AVL9: variants seen among roughly 807,000 people sequenced by gnomAD.
AVL9 encodes late secretory pathway protein AVL9 homolog.
AVL9 carries 49 observed loss-of-function variants against 79.2 expected under a neutral mutation model. The observed-to-expected ratio is 0.62, with a 90% CI of 0.49 to 0.79. The LOEUF is 0.79. Ranked by LOEUF, AVL9 falls within the 30% of genes least tolerant of loss-of-function variation. The pLI is 0.00. For synonymous variants in AVL9, 299 were observed against 280.6 expected, an observed-to-expected ratio of 1.07 and a Z score of -0.65; for missense variants, 682 against 776.8, an observed-to-expected ratio of 0.88 and a Z score of 1.45.
Position 32,583,965 on chromosome 7 carries a change from C to T in AVL9, c.*58C>T, listed in dbSNP as rs751980013. On this transcript the variant is annotated 3_prime_UTR_variant, in exon 16 of 16. Transcript: ENST00000318709. ...GGTTTAAGTGTCCCCTGTCTGTCTG[C>T]TGCTCCCAGGCTGTTACTAGCCACA... 53 of 1,262,350 alleles carry T rather than the reference C, an allele frequency of 4.2e-5. No homozygotes were observed. Among genetic ancestry groups the T allele is most frequent in the Non-Finnish European group, 5.9e-5 (51 of 863,964 alleles). The allele number at this position is 1,262,350 out of a possible 1,614,324, so 78.2% of individuals were successfully genotyped here.
At chr7:32,511,423 G>A (rs949763273) in intron 1 of AVL9, among the ~76,000 whole-genome samples, 3 of 152,028 alleles carry the variant, frequency 2.0e-5, no homozygotes, top group African/African-American at 7.2e-5. Flanking sequence ...AGGTCTGGTT[G>A]TGGGAGTCCA....
intron 1 of AVL9, among the ~76,000 whole-genome samples, chr7:32,513,719 CA>C (rs1222875883): frequency 6.6e-6 from 1 of 152,178 alleles, no homozygotes; most frequent in Non-Finnish European, 1.5e-5. Flanking sequence ...AAAGTGGGCC[CA>C]GGGGACCAGC....
intron 1 of AVL9, among the ~76,000 whole-genome samples, chr7:32,497,711 A>G (rs1786914752): frequency 6.8e-6 from 1 of 147,622 alleles, no homozygotes; most frequent in Non-Finnish European, 1.5e-5. Context: ...GCTGGAGTGC[A>G]GTGGAGCTCG....
At chr7:32,525,694 A>G (rs1442350203) in intron 1 of AVL9, among the ~76,000 whole-genome samples, 1 of 152,142 alleles carries the variant, frequency 6.6e-6, no homozygotes, top group African/African-American at 2.4e-5. Flanking sequence ...TGGTGCCCTA[A>G]TGGAATAGGT....
At chr7:32,572,996 T>C (rs549827189) in intron 11 of AVL9, among the ~76,000 whole-genome samples, 1 of 152,214 alleles carries the variant, frequency 6.6e-6, no homozygotes, top group East Asian at 1.9e-4. Context: ...TATGTGTGTA[T>C]TTTCTAAAAA....
chr7:32,580,282 T>G lies in AVL9; in HGVS notation c.1742+10T>G, dbSNP rs1691399149. ...AGTTAAGGTTCTCACAGTAAGTACT[T>G]AGAGAAAATACTGGGAAAATTCTTA... is the stretch of plus-strand genomic sequence containing the variant. On this transcript the variant is annotated intron_variant, in intron 14 of 15. Transcript: ENST00000318709. The G allele has an allele frequency of 1.2e-6, 2 of 1,600,216 alleles. No individual in the cohort carries two copies. The highest frequency in any genetic ancestry group is 1.7e-6 in the Non-Finnish European group (2 of 1,170,856).
chr7:32,523,690 T>G (rs1203792619), intron 1 of AVL9, among the ~76,000 whole-genome samples: 1 of 149,432 alleles, frequency 6.7e-6, no homozygotes, highest in African/African-American at 2.4e-5. Flanking sequence ...TAAGTATTAT[T>G]ATTATTATTT....
At chr7:32,570,281 CTAAG>C (rs1790770722) in intron 11 of AVL9, 127 bp downstream of exon 11, 1 of 1,283,296 alleles carries the variant, frequency 7.8e-7, no homozygotes, top group Admixed American at 1.9e-5. Flanking sequence ...GCCATGTATT[CTAAG>C]TATTTTATGT....
chr7:32,519,996 C>T (rs1376844933), intron 1 of AVL9, among the ~76,000 whole-genome samples: 2 of 152,162 alleles, frequency 1.3e-5, no homozygotes, highest in Non-Finnish European at 2.9e-5. Context: ...CTCACTATCA[C>T]AAGAACAGCA....
intron 3 of AVL9, among the ~76,000 whole-genome samples, chr7:32,547,891 C>A (rs1789597055): frequency 6.6e-6 from 1 of 152,188 alleles, no homozygotes; most frequent in African/African-American, 2.4e-5. Context: ...AGGCAGTACA[C>A]TAGAGGAGGA....
Position 32,559,395 on chromosome 7 carries a change from C to T in AVL9, c.1146C>T (p.Val382=), listed in dbSNP as rs780724431. ...CTCAAGCTAATACGGGACAGGTAGT[C>T]CTGATACCAGGGCTCATTTCGGGTT... ...VQPQANTGQV[V]LIPGLISGLE... The change falls in exon 10 of 16, where the codon GTC becomes GTT. Residue 382 remains valine, a synonymous_variant. Transcript: ENST00000318709. 4.3e-6 allele frequency: 7 copies of T among 1,612,064 alleles called. No homozygotes were observed. The highest frequency in any genetic ancestry group is 5.9e-6 in the Non-Finnish European group (7 of 1,179,286).
intron 1 of AVL9, among the ~76,000 whole-genome samples, chr7:32,501,951 T>C (rs911649217): frequency 6.6e-6 from 1 of 152,174 alleles, no homozygotes; most frequent in African/African-American, 2.4e-5. Context: ...CTTTTTTATA[T>C]GGATTAAGAA....
chr7:32,558,344 G>C (rs1348221251), intron 8 of AVL9, among the ~76,000 whole-genome samples: 1 of 151,834 alleles, frequency 6.6e-6, no homozygotes, highest in African/African-American at 2.4e-5. Context: ...TTTTAGTAGA[G>C]ACGGGGTTTC....
intron 1 of AVL9, chr7:32,537,078 A>C (rs67485073): frequency 0.24 from 36,417 of 152,008 alleles, 5,011 homozygotes; most frequent in Admixed American, 0.34. Context: ...AATCTCCAAC[A>C]CCGTTCCTGG....
At chr7:32,548,291 G>T (rs1346682585) in intron 3 of AVL9, among the ~76,000 whole-genome samples, 1 of 151,974 alleles carries the variant, frequency 6.6e-6, no homozygotes, top group Non-Finnish European at 1.5e-5. Context: ...GGGATTACAG[G>T]CTTGTGCCAC....
intron 1 of AVL9, among the ~76,000 whole-genome samples, chr7:32,504,374 T>C (rs1394993406): frequency 6.6e-6 from 1 of 152,238 alleles, no homozygotes; most frequent in Non-Finnish European, 1.5e-5. Context: ...AAAACCAGTC[T>C]TTATCATTAC....
chr7:32,569,522 T>G (rs1177383300), intron 10 of AVL9, among the ~76,000 whole-genome samples: 1 of 152,248 alleles, frequency 6.6e-6, no homozygotes, highest in African/African-American at 2.4e-5. Context: ...ACAAATATCT[T>G]GAAATCTTTT....
chr7:32,504,566 ATGT>A (rs1159400580), intron 1 of AVL9, among the ~76,000 whole-genome samples: 1 of 152,222 alleles, frequency 6.6e-6, no homozygotes, highest in Non-Finnish European at 1.5e-5. Flanking sequence ...AAGTTGCCTA[ATGT>A]TTATGGACTT....
At position 32,573,214 on chromosome 7, in the gene AVL9, A is replaced by G; in HGVS notation, c.1366A>G (p.Ile456Val). The part of the protein sequence containing the change: ...DAIVEVEEAL[I>V]QIHDPELRKL... ...TACCCTCTAGGTAGAAGAAGCTCTG[A>G]TCCAGATCCATGATCCAGAACTCAG... The change falls in exon 12 of 16, where the codon ATC becomes GTC. Residue 456 changes from isoleucine (I) to valine (V), a missense_variant. Ile to Val is a conservative substitution (Grantham distance 29). Transcript: ENST00000318709. 1 of 1,613,998 alleles carries G rather than the reference A, an allele frequency of 6.2e-7. No individual in the cohort carries two copies. Among genetic ancestry groups the G allele is most frequent in the Non-Finnish European group, 8.5e-7 (1 of 1,179,976 alleles).
Sources: gnomAD v4.1 joint callset for allele counts (sites outside exome capture counted in the v4.1 genomes callset) on GRCh38, gnomAD v4.1.1 for gene constraint, MANE v1.5 for transcripts, NCBI Gene and HGNC (gene_info 2026-07-23, HGNC 2026-07-21) for gene names.